The following NUP54 variants were observed in gnomAD, a reference collection of about 807,000 sequenced individuals.
NUP54 encodes nucleoporin 54.
In NUP54, 27 loss-of-function variants were observed where a neutral mutation model predicts 66.4. The observed-to-expected ratio is 0.41, with a 90% CI of 0.30 to 0.56. NUP54 has a LOEUF of 0.56. Ranked by LOEUF, NUP54 falls within the 20% of genes least tolerant of loss-of-function variation. NUP54 has a pLI of 0.34. For missense variants in NUP54, 486 were observed against 596.3 expected (o/e 0.82, Z 1.93); for synonymous variants, 206 against 210.7 (o/e 0.98, Z 0.19).
chr4:76,144,599 CCTA>C (rs2109912562), intron 1 of NUP54, 126 bp from the exon 2 acceptor site: 1 of 703,188 alleles, frequency 1.4e-6, no homozygotes, highest in African/African-American at 1.8e-5. Flanking sequence ...TTTTCCTTTC[CCTA>C]CTTTCAAGAT....
intron 1 of NUP54, 28 bp downstream of exon 1, chr4:76,148,280 C>T: frequency 4.4e-6 from 6 of 1,349,132 alleles, no homozygotes; most frequent in South Asian, 2.0e-5. Flanking sequence ...CCCTTCTTCC[C>T]GGGTGAAGGT....
At position 76,118,067 on chromosome 4, in the gene NUP54, G is replaced by C. The variant is rs1308774758; in HGVS notation, c.1284+8C>G. On this transcript the variant is annotated splice_region_variant and intron_variant, in intron 10 of 11. Transcript: ENST00000264883. Reference sequence around the variant, plus strand: ...AAATTTTAGAATTATGGTCTTAGAAGTGGTTACCTTGAACTGAGTAGGTGC... The same window carrying C: ...AAATTTTAGAATTATGGTCTTAGAACTGGTTACCTTGAACTGAGTAGGTGC... The C allele has an allele frequency of 6.2e-7, 1 of 1,613,032 alleles. No individual in the cohort carries two copies.
chr4:76,118,439 G>A (rs545436120), intron 9 of NUP54: 18 of 410,302 alleles, frequency 4.4e-5, no homozygotes, highest in African/African-American at 2.9e-4. Context: ...AGGCTGAAGT[G>A]CAGTGGCGTA....
intron 11 of NUP54, among the ~76,000 whole-genome samples, chr4:76,117,207 A>C (rs1034494404): frequency 6.6e-6 from 1 of 152,222 alleles, no homozygotes; most frequent in South Asian, 2.1e-4. Context: ...TTCATGAAGC[A>C]TAACTTCTTC....
chr4:76,140,287 T>G (rs1731213371), intron 3 of NUP54, among the ~76,000 whole-genome samples: 1 of 97,930 alleles, frequency 1.0e-5, no homozygotes, highest in Admixed American at 1.0e-4. Flanking sequence ...TCTCTTTGGT[T>G]TTTTTTTTTT....
At chr4:76,138,641 A>G (rs1731136139) in intron 3 of NUP54, among the ~76,000 whole-genome samples, 1 of 152,192 alleles carries the variant, frequency 6.6e-6, no homozygotes, top group African/African-American at 2.4e-5. Flanking sequence ...TGGGAGTACT[A>G]AATAAGGGAG....
chr4:76,127,214 C>T (rs1192012826), intron 8 of NUP54, among the ~76,000 whole-genome samples: 2 of 152,000 alleles, frequency 1.3e-5, no homozygotes, highest in Admixed American at 1.3e-4. Flanking sequence ...GGGTGGATCA[C>T]GAGGTCAGGA....
intron 3 of NUP54, among the ~76,000 whole-genome samples, chr4:76,142,137 C>A (rs57313943): frequency 0.13 from 20,019 of 152,078 alleles, 1,543 homozygotes; most frequent in East Asian, 0.35. Flanking sequence ...CCTAAAAAAA[C>A]CAAATGTAAC....
At chr4:76,147,590 C>T (rs1232852505) in intron 1 of NUP54, 1 of 1,289,730 alleles carries the variant, frequency 7.8e-7, no homozygotes, top group East Asian at 5.5e-5. Context: ...CCGAAACCCC[C>T]AAAATTAAAC....
In NUP54 at chr4:76,144,485, A is replaced by G; in HGVS notation, c.68-12T>C. On this transcript the variant is annotated splice_polypyrimidine_tract_variant and intron_variant, in intron 1 of 11. Coordinates refer to ENST00000264883, the MANE Select transcript of NUP54 (RefSeq NM_017426.4). ...TCCTCCAAACCCACCTAATTAAAAA[A>G]GAACAAAAATAGAAAGGAAGAATCT... 1 of 1,570,368 alleles carries G rather than the reference A, an allele frequency of 6.4e-7. No homozygotes were observed.
chr4:76,142,514 C>T (rs1274226660), intron 3 of NUP54, among the ~76,000 whole-genome samples: 3 of 152,168 alleles, frequency 2.0e-5, no homozygotes, highest in Non-Finnish European at 4.4e-5. Flanking sequence ...GAATTTGCAT[C>T]CCTGTACTTC....
In NUP54 at chr4:76,135,220, G is replaced by GT. The variant is rs564591069; in HGVS notation, c.523-859dup. On this transcript the variant is annotated intron_variant, in intron 4 of 11. Coordinates refer to ENST00000264883, the MANE Select transcript of NUP54 (RefSeq NM_017426.4). ...CAAAACTTTATGAAACAGGGTTGTT[G>GT]TTTTTTTACATATTAATATGACCAA... 5.7e-4 allele frequency among the ~76,000 whole-genome samples: 87 copies of GT among 152,066 alleles called. 1 individual carries two copies. In the East Asian group the frequency reaches 6.2e-3, roughly 11 times the overall value.
chr4:76,117,826 G>T (rs745895639), intron 10 of NUP54, 52 bp from the exon 11 acceptor site: 7 of 1,395,570 alleles, frequency 5.0e-6, no homozygotes, highest in Non-Finnish European at 6.1e-6. Flanking sequence ...ACTTGTAAAA[G>T]ACAATGTTTT....
chr4:76,148,185 T>A (rs1335079110), intron 1 of NUP54, 123 bp downstream of exon 1: 3 of 788,434 alleles, frequency 3.8e-6, no homozygotes, highest in Non-Finnish European at 5.4e-6. Flanking sequence ...CCTTTTCCAA[T>A]GCCTCTAAAG....
chr4:76,144,323 T>A (rs1278780474), intron 2 of NUP54, 31 bp from the exon 3 acceptor site: 1 of 1,542,832 alleles, frequency 6.5e-7, no homozygotes, highest in Admixed American at 1.9e-5. Context: ...CTTCGTAAGT[T>A]AAAAAAAAAA....
chr4:76,130,575 G>T, intron 8 of NUP54, 81 bp downstream of exon 8: 2 of 886,164 alleles, frequency 2.3e-6, no homozygotes, highest in Non-Finnish European at 3.7e-6. Flanking sequence ...TAAAACAGTA[G>T]CACATATACT....
chr4:76,141,532 C>T (rs1397276433), intron 3 of NUP54, among the ~76,000 whole-genome samples: 1 of 152,066 alleles, frequency 6.6e-6, no homozygotes. Context: ...TACCTTTATC[C>T]AGTCATTCGC....
intron 9 of NUP54, among the ~76,000 whole-genome samples, chr4:76,120,398 A>ACC (rs551429750): frequency 7.1e-4 from 105 of 147,240 alleles, no homozygotes; most frequent in Non-Finnish European, 1.3e-3. Context: ...ATTTTTCCCA[A>ACC]CCGCATGAGT....
intron 8 of NUP54, among the ~76,000 whole-genome samples, chr4:76,125,870 G>A (rs901288319): frequency 6.4e-4 from 93 of 145,876 alleles, no homozygotes; most frequent in Non-Finnish European, 1.1e-3. Flanking sequence ...GGGAGGGAGA[G>A]AGAGAGACAG....
Sources: gnomAD v4.1 joint callset for allele counts (sites outside exome capture counted in the v4.1 genomes callset) on GRCh38, gnomAD v4.1.1 for gene constraint, MANE v1.5 for transcripts, NCBI Gene and HGNC (gene_info 2026-07-23, HGNC 2026-07-21) for gene names.